Variants in DNAH12 observed in about 807,000 individuals in gnomAD.
The protein encoded by DNAH12 is axonemal beta dynein heavy chain 12.
A neutral mutation model predicts 371.5 loss-of-function variants in DNAH12; 285 were observed. The observed-to-expected ratio is 0.77, with a 90% CI of 0.70 to 0.85. The LOEUF is 0.85. Ranked by LOEUF, DNAH12 falls within the 40% of genes least tolerant of loss-of-function variation. The pLI is 0.00. For missense variants in DNAH12, 3,611 were observed against 3,689.4 expected, an observed-to-expected ratio of 0.98 and a Z score of 0.55; for synonymous variants, 1,200 against 1,213.0, an observed-to-expected ratio of 0.99 and a Z score of 0.22.
intron 60 of DNAH12, among the ~76,000 whole-genome samples, chr3:57,349,812 T>C (rs1365158047): frequency 2.0e-5 from 3 of 152,104 alleles, no homozygotes; most frequent in Non-Finnish European, 2.9e-5. Flanking sequence ...CTCAGCCTCT[T>C]GAGTAGCTGG....
At chr3:57,498,409 T>C (rs1416765309) in intron 11 of DNAH12, 5 of 695,660 alleles carry the variant, frequency 7.2e-6, no homozygotes, top group Non-Finnish European at 1.3e-5. Flanking sequence ...CTCGAACTCC[T>C]AGGCTCCAGT....
intron 34 of DNAH12, among the ~76,000 whole-genome samples, chr3:57,427,782 G>A (rs992422858): frequency 3.3e-5 from 5 of 152,116 alleles, no homozygotes; most frequent in Admixed American, 6.6e-5. Flanking sequence ...GAACACCTGA[G>A]GCTACCAGAA....
At chr3:57,386,153 C>T (rs1168141758) in intron 47 of DNAH12, among the ~76,000 whole-genome samples, 2 of 151,930 alleles carry the variant, frequency 1.3e-5, no homozygotes, top group Non-Finnish European at 2.9e-5. Flanking sequence ...AACTTATATT[C>T]TCTTAAATGG....
chr3:57,498,604 A>G (rs371880182), intron 11 of DNAH12: 3 of 713,272 alleles, frequency 4.2e-6, no homozygotes, highest in African/African-American at 3.5e-5. Flanking sequence ...TAGTAACTTT[A>G]TTCATAATAG....
In DNAH12 at chr3:57,364,859, A is replaced by G. The variant is rs2063012902; in HGVS notation, c.9168-1073T>C. On this transcript the variant is annotated intron_variant, in intron 57 of 73. Transcript: ENST00000495027. ...TATTTATGTGGCCAACAAACATATG[A>G]AAACAAGCTCAACATCACTGATCAT... 2.6e-5 allele frequency among the ~76,000 whole-genome samples: 4 copies of G among 152,386 alleles called. No individual in the cohort carries two copies. In the South Asian group the frequency reaches 8.3e-4, roughly 32 times the overall value.
At chr3:57,453,444 C>T (rs1389956915) in intron 23 of DNAH12, 41 bp from the exon 24 acceptor site, 3 of 1,445,594 alleles carry the variant, frequency 2.1e-6, no homozygotes. Context: ...GATGTCACAT[C>T]ATACTTAAAA....
chr3:57,301,059 G>C (rs1222978561), intron 70 of DNAH12, among the ~76,000 whole-genome samples: 1 of 152,010 alleles, frequency 6.6e-6, no homozygotes, highest in Non-Finnish European at 1.5e-5. Flanking sequence ...GGAGGCCAAG[G>C]TGGGAGGATT....
In DNAH12 at chr3:57,482,247, A is replaced by C. The variant is rs543833348; in HGVS notation, c.1650+1129T>G. ...CAAGAAAAAAACAAACAACCCCATC[A>C]AAAAGTGGGCAAAGGACATGAACAG... On this transcript the variant is annotated intron_variant, in intron 13 of 73. Coordinates refer to ENST00000495027, the MANE Select transcript of DNAH12 (RefSeq NM_001366028.2). Among the ~76,000 whole-genome samples the C allele has an allele frequency of 1.3e-4, 20 of 152,340 alleles. 1 individual carries two copies. In the East Asian group the frequency reaches 3.5e-3, roughly 26 times the overall value.
At chr3:57,542,162 G>A (rs934295364) in intron 2 of DNAH12, among the ~76,000 whole-genome samples, 6 of 130,348 alleles carry the variant, frequency 4.6e-5, no homozygotes, top group Admixed American at 7.4e-5. Flanking sequence ...AACTGGGGGG[G>A]GGGGGGGCGG....
intron 43 of DNAH12, among the ~76,000 whole-genome samples, chr3:57,397,847 G>T (rs1168885665): frequency 6.6e-6 from 1 of 152,198 alleles, no homozygotes; most frequent in African/African-American, 2.4e-5. Context: ...GATTGGGAGG[G>T]GTGGCTGTAT....
chr3:57,537,929 C>T (rs1292075105), intron 2 of DNAH12, among the ~76,000 whole-genome samples: 6 of 152,064 alleles, frequency 3.9e-5, no homozygotes, highest in South Asian at 2.1e-4. Flanking sequence ...ATGATCCGCC[C>T]GCCTTGGCCT....
rs866695518 is a variant in DNAH12 at position 57,310,986 on chromosome 3, A to T, written c.10663-36T>A. Reference sequence around the variant, plus strand: ...GGAAAAATGAAACAAGAAAAACCTTAAAGTATTTCACTTCATTTCCATTTT... The same window carrying T: ...GGAAAAATGAAACAAGAAAAACCTTTAAGTATTTCACTTCATTTCCATTTT... On this transcript the variant is annotated intron_variant, in intron 66 of 73. Coordinates refer to ENST00000495027, the MANE Select transcript of DNAH12 (RefSeq NM_001366028.2). The T allele has an allele frequency of 2.1e-5, 29 of 1,395,450 alleles. 1 individual carries two copies. Among genetic ancestry groups the T allele is most frequent in the South Asian group, 1.3e-4 (10 of 79,324 alleles). The allele number at this position is 1,395,450 out of a possible 1,614,324, so 86.4% of individuals were successfully genotyped here.
chr3:57,533,780 G>T (rs866074780), intron 2 of DNAH12, among the ~76,000 whole-genome samples: 3 of 152,164 alleles, frequency 2.0e-5, no homozygotes, highest in Non-Finnish European at 4.4e-5. Flanking sequence ...GGAAGGAAGG[G>T]TCTCTTTTGG....
intron 2 of DNAH12, among the ~76,000 whole-genome samples, chr3:57,540,012 C>A (rs1029724009): frequency 6.6e-6 from 1 of 152,044 alleles, no homozygotes; most frequent in Non-Finnish European, 1.5e-5. Flanking sequence ...CTCTCACTAG[C>A]ATACAAACAA....
chr3:57,487,475 C>T (rs543719475), intron 12 of DNAH12, among the ~76,000 whole-genome samples: 48 of 151,796 alleles, frequency 3.2e-4, no homozygotes, highest in Non-Finnish European at 5.9e-4. Flanking sequence ...GACAGATAAT[C>T]CTCCTGGGGA....
intron 29 of DNAH12, among the ~76,000 whole-genome samples, chr3:57,438,203 C>T (rs920863266): frequency 2.0e-4 from 30 of 152,032 alleles, no homozygotes; most frequent in Middle Eastern, 3.4e-3. Flanking sequence ...CCCAGTTACT[C>T]GGGAGGCTGA....
At chr3:57,360,300 G>T (rs2153327568) in intron 58 of DNAH12, among the ~76,000 whole-genome samples, 1 of 151,450 alleles carries the variant, frequency 6.6e-6, no homozygotes, top group Admixed American at 6.6e-5. Flanking sequence ...ACAAAACAAA[G>T]CACCAAATAG....
At chr3:57,545,237 A>G (rs1454668844), upstream of DNAH12, among the ~76,000 whole-genome samples, 1 of 149,470 alleles carries the variant, frequency 6.7e-6, no homozygotes, top group Admixed American at 6.8e-5. Context: ...TCCACCTCCC[A>G]GGTTCAAGTG....
In DNAH12 at chr3:57,296,904, C is replaced by T. The variant is rs1234467743; in HGVS notation, c.11475G>A (p.Met3825Ile). Reference sequence around the variant, plus strand: ...TGGTATATTTTCTGGCATAATTCTGCATAGCTCCAGTTAAAAAGGCCTGAG... The same window carrying T: ...TGGTATATTTTCTGGCATAATTCTGTATAGCTCCAGTTAAAAAGGCCTGAG... ...FFTQAFLTGA[M>I]QNYARKYTTP... Residue 3825 changes from methionine to isoleucine, a missense_variant, in exon 71 of 74, where the codon ATG becomes ATA. Transcript: ENST00000495027. The T allele has an allele frequency of 2.6e-6, 4 of 1,551,516 alleles. No homozygotes were observed. In the Admixed American group the frequency reaches 7.8e-5, roughly 30 times the overall value.
Sources: gnomAD v4.1 joint callset for allele counts (sites outside exome capture counted in the v4.1 genomes callset) on GRCh38, gnomAD v4.1.1 for gene constraint, MANE v1.5 for transcripts, NCBI Gene and HGNC (gene_info 2026-07-23, HGNC 2026-07-21) for gene names.